Variants in CD59 observed in about 807,000 individuals in gnomAD.
The protein encoded by CD59 is CD59 molecule (CD59 blood group).
Under a neutral mutation model 7.0 loss-of-function variants are expected in CD59, and 3 were observed. The ratio of observed to expected loss-of-function variants is 0.43; its 90% confidence interval spans 0.19 to 1.10. The LOEUF (loss-of-function observed/expected upper bound fraction) is 1.10. Among genes scored for constraint, CD59 ranks in the 50% least tolerant of loss-of-function variants. CD59 has a pLI of 0.29. For missense variants in CD59, 143 were observed against 151.0 expected, an observed-to-expected ratio of 0.95 and a Z score of 0.28; for synonymous variants, 60 against 62.0, an observed-to-expected ratio of 0.97 and a Z score of 0.15.
rs139748599 is a variant in CD59, at chr11:33,734,904, C to T, written c.-19+1478G>A. 1.7e-3 allele frequency among the ~76,000 whole-genome samples: 263 copies of T among 152,292 alleles called. 1 individual carries two copies. Among genetic ancestry groups the T allele is most frequent in the African/African-American group, 6.2e-3 (257 of 41,550 alleles). ...TGTCAAAGATGAATGCCATTAGGCA[C>T]CCCACTCTCTCACCCTAAGATCCAT... On this transcript the variant is annotated intron_variant, in intron 1 of 3. Coordinates refer to ENST00000642928, the MANE Select transcript of CD59 (RefSeq NM_000611.6).
At chr11:33,719,845 G>A (rs1853972641) in intron 2 of CD59, among the ~76,000 whole-genome samples, 1 of 152,224 alleles carries the variant, frequency 6.6e-6, no homozygotes, top group Non-Finnish European at 1.5e-5. Context: ...CGTGTGAGAG[G>A]GAAGCCACAA....
At chr11:33,730,284 G>A (rs1223229110) in intron 1 of CD59, among the ~76,000 whole-genome samples, 1 of 151,782 alleles carries the variant, frequency 6.6e-6, no homozygotes, top group African/African-American at 2.4e-5. Context: ...GTGTGGTGGC[G>A]TGTGCCTGTA....
In CD59 at chr11:33,709,239, C is replaced by G. The variant is rs1176737309; in HGVS notation, c.*887G>C. The G allele has an allele frequency of 2.0e-5, 3 of 152,210 alleles. No homozygotes were observed. Among genetic ancestry groups the G allele is most frequent in the African/African-American group, 7.2e-5 (3 of 41,432 alleles). 9.4% of individuals were successfully genotyped at this position (152,210 alleles called of 1,614,324 possible). ...GTTATTAAGGATGACCTTTGGAAGT[C>G]TCAAACTGTAACCACAAAGGGTGTC... On this transcript the variant is annotated 3_prime_UTR_variant, in exon 4 of 4. Coordinates refer to ENST00000642928, the MANE Select transcript of CD59 (RefSeq NM_000611.6).
At chr11:33,713,976 A>T (rs1254211195) in intron 3 of CD59, among the ~76,000 whole-genome samples, 2 of 152,200 alleles carry the variant, frequency 1.3e-5, no homozygotes, top group Non-Finnish European at 2.9e-5. Context: ...GCACCCTTAA[A>T]TGTGGCCCTT....
At chr11:33,716,548 A>G (rs994661954) in intron 3 of CD59, among the ~76,000 whole-genome samples, 8 of 152,324 alleles carry the variant, frequency 5.3e-5, no homozygotes, top group African/African-American at 1.9e-4. Context: ...TCATTTGCAC[A>G]CATCGATTCT....
intron 1 of CD59, among the ~76,000 whole-genome samples, chr11:33,726,657 C>T (rs1022218953): frequency 3.3e-5 from 5 of 151,930 alleles, no homozygotes; most frequent in African/African-American, 1.2e-4. Flanking sequence ...AGCTAACAGA[C>T]GACAAGAAAT....
chr11:33,734,439 A>G (rs1854505915), intron 1 of CD59, among the ~76,000 whole-genome samples: 1 of 152,166 alleles, frequency 6.6e-6, no homozygotes, highest in African/African-American at 2.4e-5. Flanking sequence ...CCCAGCATGC[A>G]TTAGCTGTTT....
intron 2 of CD59, among the ~76,000 whole-genome samples, chr11:33,721,595 A>G (rs1260344358): frequency 1.3e-5 from 2 of 152,230 alleles, no homozygotes; most frequent in African/African-American, 4.8e-5. Flanking sequence ...GATCTTTACA[A>G]TGAAGCATGT....
At chr11:33,714,167 ATCTG>A (rs1304171729) in intron 3 of CD59, among the ~76,000 whole-genome samples, 3 of 152,172 alleles carry the variant, frequency 2.0e-5, no homozygotes, top group Non-Finnish European at 4.4e-5. Flanking sequence ...GCACCATCAT[ATCTG>A]TCTCTGTGCA....
rs1354748469 is a variant in CD59 at position 33,704,826 on chromosome 11, G to C, written c.*5300C>G. ...CTACCCCTCTTCCTGGCAGGAGGCT[G>C]GCTCTGACAGGAGGTTGTTTGTGCC... On this transcript the variant is annotated 3_prime_UTR_variant, in exon 4 of 4. Transcript: ENST00000642928. 2 of 152,568 alleles carry C rather than the reference G, an allele frequency of 1.3e-5. No homozygotes were observed. 9.5% of individuals were successfully genotyped at this position (152,568 alleles called of 1,614,324 possible). A position where few individuals can be genotyped will look rare whatever the true frequency, so the allele number is the denominator to read the frequency against.
intron 1 of CD59, among the ~76,000 whole-genome samples, chr11:33,734,479 C>T (rs1854507434): frequency 6.6e-6 from 1 of 152,220 alleles, no homozygotes; most frequent in African/African-American, 2.4e-5. Flanking sequence ...ACCCACCCCA[C>T]CTGCCGACAG....
chr11:33,729,057 C>T (rs1292088743), intron 1 of CD59, among the ~76,000 whole-genome samples: 1 of 152,220 alleles, frequency 6.6e-6, no homozygotes, highest in African/African-American at 2.4e-5. Context: ...AATGCTTTTA[C>T]ACTGTTGGTG....
Position 33,709,851 on chromosome 11 carries a change from T to C in CD59, c.*275A>G. On this transcript the variant is annotated 3_prime_UTR_variant, in exon 4 of 4. Transcript: ENST00000642928. ...CCCACTCAAGCTGTCACTGCAAAGCTGGTCTTCCCAAGAGCAAAGGAGGAA... is the reference window on the plus strand; with the variant it reads ...CCCACTCAAGCTGTCACTGCAAAGCCGGTCTTCCCAAGAGCAAAGGAGGAA... 1 of 556,482 alleles carries C rather than the reference T, an allele frequency of 1.8e-6. No homozygotes were observed. Among genetic ancestry groups the C allele is most frequent in the Non-Finnish European group, 3.2e-6 (1 of 310,986 alleles). The allele number at this position is 556,482 out of a possible 1,614,324, so 34.5% of individuals were successfully genotyped here.
chr11:33,716,395 A>T (rs964398756), intron 3 of CD59, among the ~76,000 whole-genome samples: 2 of 152,148 alleles, frequency 1.3e-5, no homozygotes, highest in African/African-American at 4.8e-5. Flanking sequence ...CTTGATGTTG[A>T]CACTGGGGGG....
chr11:33,711,577 T>C, intron 3 of CD59: 1 of 581,408 alleles, frequency 1.7e-6, no homozygotes, highest in Non-Finnish European at 3.0e-6. Context: ...CTTGGGAGGC[T>C]GAGGCAGGAG....
intron 3 of CD59, among the ~76,000 whole-genome samples, chr11:33,711,032 T>TA (rs142039290): frequency 0.18 from 21,337 of 119,802 alleles, 1,929 homozygotes; most frequent in South Asian, 0.34. Flanking sequence ...GAGCTTGATT[T>TA]AAAAAAAAAA....
intron 1 of CD59, among the ~76,000 whole-genome samples, chr11:33,727,516 T>G (rs1590542307): frequency 6.6e-6 from 1 of 152,298 alleles, no homozygotes; most frequent in Admixed American, 6.5e-5. Context: ...ATTGATGGAA[T>G]GTATCTCAAA....
chr11:33,724,989 G>T (rs1590539322), intron 1 of CD59, among the ~76,000 whole-genome samples: 2 of 152,090 alleles, frequency 1.3e-5, no homozygotes, highest in East Asian at 3.9e-4. Context: ...GGGGGGCGGA[G>T]GAGGGCGGGA....
Position 33,722,454 on chromosome 11 carries a change from T to A in CD59, c.-9A>T. 1.2e-6 allele frequency: 2 copies of A among 1,613,792 alleles called. No homozygotes were observed. Among genetic ancestry groups the A allele is most frequent in the South Asian group, 2.2e-5 (2 of 91,060 alleles). ...CCTCCTTGGATTCCCATTGTGATTG[T>A]CCACAGAACCTGGAAGGAAGGGACA... On this transcript the variant is annotated 5_prime_UTR_variant, in exon 2 of 4. Coordinates refer to ENST00000642928, the MANE Select transcript of CD59 (RefSeq NM_000611.6).
Sources: gnomAD v4.1 joint callset for allele counts (sites outside exome capture counted in the v4.1 genomes callset) on GRCh38, gnomAD v4.1.1 for gene constraint, MANE v1.5 for transcripts, NCBI Gene and HGNC (gene_info 2026-07-23, HGNC 2026-07-21) for gene names.